CUL4A: variants seen among roughly 807,000 people sequenced by gnomAD.
CUL4A encodes the protein cullin 4A.
A neutral mutation model predicts 95.5 loss-of-function variants in CUL4A; 16 were observed. The ratio of observed to expected loss-of-function variants is 0.17; its 90% confidence interval spans 0.11 to 0.25. CUL4A has a LOEUF of 0.25. Among genes scored for constraint, CUL4A ranks in the 10% least tolerant of loss-of-function variants. CUL4A has a pLI of 1.00. For missense variants in CUL4A, 610 were observed against 937.0 expected, an observed-to-expected ratio of 0.65 and a Z score of 4.56; for synonymous variants, 380 against 353.1, an observed-to-expected ratio of 1.08 and a Z score of -0.85.
intron 19 of CUL4A, among the ~76,000 whole-genome samples, chr13:113,262,271 C>G (rs1197037853): frequency 3.9e-5 from 6 of 152,224 alleles, no homozygotes; most frequent in Admixed American, 3.9e-4. Context: ...TTCGTCTCCT[C>G]AGTCACCTAC....
intron 18 of CUL4A, among the ~76,000 whole-genome samples, chr13:113,257,438 G>A (rs2042158234): frequency 6.6e-6 from 1 of 152,210 alleles, no homozygotes; most frequent in Non-Finnish European, 1.5e-5. Context: ...CGGTTCTGCA[G>A]GCTGTACAGG....
chr13:113,246,111 C>T lies in CUL4A; in HGVS notation c.1638+48C>T, dbSNP rs775263325. ...GTCCGCTCCCGCTGTCATGCCCTTA[C>T]CAGGCACAGATATGTTGCCTTCAAG... On this transcript the variant is annotated intron_variant, in intron 15 of 19. Transcript: ENST00000375440. The T allele has an allele frequency of 1.9e-5, 27 of 1,389,982 alleles. No individual in the cohort carries two copies. The Admixed American group carries it at 4.8e-4, about 25-fold the overall frequency. The allele number at this position is 1,389,982 out of a possible 1,614,324, so 86.1% of individuals were successfully genotyped here. A position where few individuals can be genotyped will look rare whatever the true frequency, so the allele number is the denominator to read the frequency against.
chr13:113,239,359 C>T, intron 9 of CUL4A, 74 bp from the exon 10 acceptor site: 3 of 1,248,452 alleles, frequency 2.4e-6, no homozygotes, highest in Non-Finnish European at 3.5e-6. Context: ...TCTTCTGGTG[C>T]ACGCTGTATT....
At chr13:113,212,726 A>C (rs1271390004) in intron 2 of CUL4A, among the ~76,000 whole-genome samples, 2 of 152,198 alleles carry the variant, frequency 1.3e-5, no homozygotes, top group Non-Finnish European at 2.9e-5. Context: ...CGGAGGTTGC[A>C]GTGAGCCGAG....
intron 15 of CUL4A, among the ~76,000 whole-genome samples, chr13:113,248,059 C>G (rs746984515): frequency 5.9e-5 from 9 of 152,178 alleles, no homozygotes; most frequent in Non-Finnish European, 1.3e-4. Context: ...GTCTTGGTGA[C>G]ATTCGATAGG....
At chr13:113,255,210 G>A in intron 18 of CUL4A, 85 bp downstream of exon 18, 2 of 949,064 alleles carry the variant, frequency 2.1e-6, no homozygotes, top group Non-Finnish European at 3.2e-6. Flanking sequence ...GCTGTTAGAG[G>A]CCTGAAGCAC....
intron 3 of CUL4A, among the ~76,000 whole-genome samples, chr13:113,222,100 G>C (rs1441193755): frequency 6.6e-6 from 1 of 152,212 alleles, no homozygotes. Context: ...GAAGAGCCAG[G>C]TATGCTGCTG....
chr13:113,257,826 T>C (rs1332872694), intron 18 of CUL4A, among the ~76,000 whole-genome samples: 3 of 152,270 alleles, frequency 2.0e-5, no homozygotes, highest in Non-Finnish European at 4.4e-5. Context: ...TCTTTTCATG[T>C]TGCAGAAATT....
intron 2 of CUL4A, among the ~76,000 whole-genome samples, chr13:113,212,616 T>C (rs1187331557): frequency 6.6e-6 from 1 of 152,134 alleles, no homozygotes; most frequent in Non-Finnish European, 1.5e-5. Flanking sequence ...AAACCCCATC[T>C]CTACTAAAAG....
intron 9 of CUL4A, among the ~76,000 whole-genome samples, chr13:113,237,295 C>T (rs1455585773): frequency 6.6e-6 from 1 of 152,222 alleles, no homozygotes; most frequent in African/African-American, 2.4e-5. Context: ...TGAGGCTTCC[C>T]TCACCTGCGG....
At chr13:113,209,486 G>T, upstream of CUL4A, 1 of 340,860 alleles carries the variant, frequency 2.9e-6, no homozygotes, top group South Asian at 1.1e-4. Flanking sequence ...CGGGCGCGGC[G>T]GCGGTTGGGC....
chr13:113,209,512 G>GC, upstream of CUL4A: 1 of 601,298 alleles, frequency 1.7e-6, no homozygotes, highest in Non-Finnish European at 2.1e-6. Context: ...CACGCGGGCG[G>GC]GGCGGGGCGG....
chr13:113,252,543 G>C (rs1326142309), intron 15 of CUL4A, among the ~76,000 whole-genome samples: 1 of 152,170 alleles, frequency 6.6e-6, no homozygotes, highest in Non-Finnish European at 1.5e-5. Flanking sequence ...AAAAAGAAAA[G>C]AAATTCACCC....
intron 5 of CUL4A, among the ~76,000 whole-genome samples, chr13:113,232,971 G>C (rs1595384706): frequency 6.6e-6 from 1 of 152,184 alleles, no homozygotes; most frequent in Non-Finnish European, 1.5e-5. Flanking sequence ...CAGGAACGTG[G>C]AGCAGCTCTG....
chr13:113,257,360 TC>T (rs902135107), intron 18 of CUL4A, among the ~76,000 whole-genome samples: 15 of 152,216 alleles, frequency 9.9e-5, no homozygotes, highest in African/African-American at 3.6e-4. Flanking sequence ...ATTAGGCCAT[TC>T]TTGTATTACT....
intron 2 of CUL4A, 21 bp downstream of exon 2, chr13:113,210,109 G>GGGGACGCCGCTC (rs1456410990): frequency 6.9e-7 from 1 of 1,451,896 alleles, no homozygotes; most frequent in African/African-American, 1.5e-5. Context: ...GGCCGGGGCT[G>GGGGACGCCGCTC]GGGACGCCGC....
rs374278099 is a variant in CUL4A at position 113,210,007 on chromosome 13, C to T, written c.183C>T (p.Asp61=). 4.9e-4 allele frequency: 749 copies of T among 1,523,456 alleles called. 4 individuals carry two copies. The East Asian group carries it at 5.0e-3, about 10-fold the overall frequency. 94.4% of individuals were successfully genotyped at this position (1,523,456 alleles called of 1,614,324 possible). A position where few individuals can be genotyped will look rare whatever the true frequency, so the allele number is the denominator to read the frequency against. Residue 61 remains aspartate, a synonymous_variant, in exon 2 of 20, where the codon GAC becomes GAT. Coordinates refer to ENST00000375440, the MANE Select transcript of CUL4A (RefSeq NM_001008895.4). ...GGCTGCCCGACAACTACACGCAGGA[C>T]ACGTGGCGGAAGCTGCACGAGGCGG... ...RPRLPDNYTQ[D]TWRKLHEAVR...
Position 113,264,798 on chromosome 13 carries a change from G to A in CUL4A, c.*1216G>A, listed in dbSNP as rs1341034636. 6.6e-6 allele frequency: 1 copy of A among 152,582 alleles called. No individual in the cohort carries two copies. Among genetic ancestry groups the A allele is most frequent in the Non-Finnish European group, 1.5e-5 (1 of 68,026 alleles). The allele number at this position is 152,582 out of a possible 1,614,324, so 9.5% of individuals were successfully genotyped here. A position where few individuals can be genotyped will look rare whatever the true frequency, so the allele number is the denominator to read the frequency against. ...TTGATTTTGTGCTAAATTATTAAGA[G>A]TCTCTTTTTGAAACATGCGGGTTTG... is the stretch of plus-strand genomic sequence containing the variant. On this transcript the variant is annotated 3_prime_UTR_variant, in exon 20 of 20. Transcript: ENST00000375440.
rs1424800726 is a variant in CUL4A, at chr13:113,233,322, A to G, written c.658A>G (p.Met220Val). The G allele has an allele frequency of 1.3e-5, 21 of 1,612,828 alleles. No homozygotes were observed. Among genetic ancestry groups the G allele is most frequent in the Middle Eastern group, 1.9e-4 (1 of 5,394 alleles). ...GAGCCTGTTGCGGAGCCTCCTGGGC[A>G]TGCTGTCTGACCTGCAGGTGAGTGC... ...DRSLLRSLLG[M>V]LSDLQVYKDS... Residue 220 changes from methionine to valine, a missense_variant, in exon 6 of 20, where the codon ATG becomes GTG. By Grantham distance (21) the Met-to-Val change is conservative. This residue lies in a region of CUL4A where 97 missense variants were observed against 100.3 expected (regional missense o/e 0.97). Transcript: ENST00000375440.
Sources: allele counts gnomAD v4.1 joint callset (sites outside exome capture counted in the v4.1 genomes callset), GRCh38; gene constraint gnomAD v4.1.1; regional missense constraint gnomAD v4.1.1; transcripts MANE v1.5; gene names NCBI Gene and HGNC (gene_info 2026-07-23, HGNC 2026-07-21).